The following GPC5 variants were observed in gnomAD, a reference collection of about 807,000 sequenced individuals.
GPC5 encodes glypican-5.
GPC5 carries 47 observed loss-of-function variants against 53.9 expected under a neutral mutation model. The ratio of observed to expected loss-of-function variants is 0.87; its 90% CI spans 0.69 to 1.11. GPC5 has a LOEUF of 1.11. Ranked by LOEUF, GPC5 falls within the 50% of genes most tolerant of loss-of-function variation. The probability of loss-of-function intolerance (pLI) is 0.00; values close to 1 mark genes in which losing one functional copy is unlikely to be tolerated. For missense variants in GPC5, 748 were observed against 713.1 expected, an observed-to-expected ratio of 1.05 and a Z score of -0.56; for synonymous variants, 286 against 263.3, an observed-to-expected ratio of 1.09 and a Z score of -0.84.
intron 7 of GPC5, among the ~76,000 whole-genome samples, chr13:92,691,663 T>C (rs1887404016): frequency 6.6e-6 from 1 of 152,192 alleles, no homozygotes; most frequent in Non-Finnish European, 1.5e-5. Context: ...GGAAAAATAA[T>C]GTAATTTAAT....
chr13:92,098,380 T>C (rs535583160), intron 6 of GPC5, among the ~76,000 whole-genome samples: 3 of 152,320 alleles, frequency 2.0e-5, no homozygotes, highest in East Asian at 3.9e-4. Context: ...AACCAGAATA[T>C]CTATAATTAT....
chr13:92,748,477 G>T (rs907957606), intron 7 of GPC5, among the ~76,000 whole-genome samples: 2 of 151,510 alleles, frequency 1.3e-5, no homozygotes, highest in East Asian at 3.9e-4. Context: ...TATTACAGGC[G>T]CCCTGCTAAT....
At chr13:92,305,465 A>G (rs981619050) in intron 7 of GPC5, among the ~76,000 whole-genome samples, 1 of 152,052 alleles carries the variant, frequency 6.6e-6, no homozygotes, top group Non-Finnish European at 1.5e-5. Flanking sequence ...CCTTTTTTTT[A>G]AATTGGATCA....
chr13:92,148,838 T>C (rs1265703009), intron 7 of GPC5, among the ~76,000 whole-genome samples: 1 of 152,080 alleles, frequency 6.6e-6, no homozygotes, highest in Non-Finnish European at 1.5e-5. Context: ...AATATCTGAC[T>C]ATACTTCTTA....
At chr13:92,461,816 A>G (rs768067057) in intron 7 of GPC5, among the ~76,000 whole-genome samples, 43 of 152,174 alleles carry the variant, frequency 2.8e-4, no homozygotes, top group Admixed American at 5.2e-4. Flanking sequence ...CAGCCTCCAG[A>G]ACTGTGAGAA....
chr13:92,291,187 A>G (rs2042992592), intron 7 of GPC5, among the ~76,000 whole-genome samples: 1 of 152,024 alleles, frequency 6.6e-6, no homozygotes, highest in African/African-American at 2.4e-5. Context: ...CCCCTGCTCC[A>G]CTGTGCCCAG....
At chr13:92,302,198 G>T (rs1213433665) in intron 7 of GPC5, among the ~76,000 whole-genome samples, 2 of 151,884 alleles carry the variant, frequency 1.3e-5, no homozygotes. Context: ...CTGGTTTTTT[G>T]CACTTTAATT....
chr13:92,065,087 T>C (rs966409890), intron 6 of GPC5, among the ~76,000 whole-genome samples: 1 of 152,184 alleles, frequency 6.6e-6, no homozygotes, highest in African/African-American at 2.4e-5. Context: ...GATAGCAGTT[T>C]GAGAGCACCT....
Position 92,391,153 on chromosome 13 carries a change from T to C in GPC5, c.1561+246164T>C, listed in dbSNP as rs1014142175. Among the ~76,000 whole-genome samples the C allele has an allele frequency of 7.2e-5, 11 of 152,268 alleles. 1 individual carries two copies. The highest frequency in any genetic ancestry group is 5.9e-4 in the Admixed American group (9 of 15,284). On this transcript the variant is annotated intron_variant, in intron 7 of 7. Coordinates refer to ENST00000377067, the MANE Select transcript of GPC5 (RefSeq NM_004466.6). ...ATTTAGAAAAATCTCCTCATTAATA[T>C]AATTATTTCAGTATTTATTAAACAG...
intron 7 of GPC5, among the ~76,000 whole-genome samples, chr13:92,817,345 C>T (rs73623849): frequency 0.097 from 14,736 of 151,848 alleles, 1,400 homozygotes; most frequent in African/African-American, 0.23. Flanking sequence ...AATACTAAAG[C>T]ATCAATATCC....
chr13:91,477,771 A>T (rs920006769), intron 2 of GPC5, among the ~76,000 whole-genome samples: 3 of 152,212 alleles, frequency 2.0e-5, no homozygotes, highest in African/African-American at 7.2e-5. Flanking sequence ...ACCATGTGAA[A>T]TGAGAAGGAG....
At chr13:92,737,635 T>C (rs1005843986) in intron 7 of GPC5, among the ~76,000 whole-genome samples, 3 of 152,068 alleles carry the variant, frequency 2.0e-5, no homozygotes, top group African/African-American at 4.8e-5. Flanking sequence ...TTTTTACTTA[T>C]GTTTTTGCAT....
intron 7 of GPC5, among the ~76,000 whole-genome samples, chr13:92,527,190 A>AAAGAAAGAGAAAGAAAG (rs1881353023): frequency 4.9e-5 from 1 of 20,608 alleles, no homozygotes; most frequent in Non-Finnish European, 7.7e-5. Context: ...AAGAAGAAAG[A>AAAGAAAGAGAAAGAAAG]AAGAAAGAAA....
At chr13:92,652,813 A>G (rs906034029) in intron 7 of GPC5, among the ~76,000 whole-genome samples, 1 of 152,158 alleles carries the variant, frequency 6.6e-6, no homozygotes, top group African/African-American at 2.4e-5. Context: ...ATGGTCTACT[A>G]GTGTTATAGA....
chr13:91,758,535 A>G (rs907077458), intron 5 of GPC5, among the ~76,000 whole-genome samples: 7 of 152,124 alleles, frequency 4.6e-5, no homozygotes, highest in East Asian at 1.9e-4. Flanking sequence ...GGAGAAATCA[A>G]TGATTTGGGG....
At chr13:91,707,098 G>A (rs912060749) in intron 3 of GPC5, among the ~76,000 whole-genome samples, 2 of 152,026 alleles carry the variant, frequency 1.3e-5, no homozygotes, top group Non-Finnish European at 2.9e-5. Flanking sequence ...CATGGTCTAA[G>A]TTAATGTTTA....
intron 7 of GPC5, among the ~76,000 whole-genome samples, chr13:92,431,385 C>T (rs915507537): frequency 8.4e-6 from 1 of 118,956 alleles, no homozygotes; most frequent in Non-Finnish European, 1.6e-5. Flanking sequence ...ACATTAAAGA[C>T]ACAGCTTTTT....
At chr13:92,860,761 A>G (rs1879154574) in intron 7 of GPC5, among the ~76,000 whole-genome samples, 1 of 152,018 alleles carries the variant, frequency 6.6e-6, no homozygotes, top group Non-Finnish European at 1.5e-5. Context: ...GATATTTACC[A>G]CCTGTCTTAT....
At chr13:91,577,873 A>G (rs960986357) in intron 2 of GPC5, among the ~76,000 whole-genome samples, 1 of 152,206 alleles carries the variant, frequency 6.6e-6, no homozygotes, top group East Asian at 1.9e-4. Flanking sequence ...AGATTCTTTG[A>G]CATTCCTTTC....
Sources: gnomAD v4.1 joint callset for allele counts (sites outside exome capture counted in the v4.1 genomes callset) on GRCh38, gnomAD v4.1.1 for gene constraint, MANE v1.5 for transcripts, NCBI Gene and HGNC (gene_info 2026-07-23, HGNC 2026-07-21) for gene names.